Variants in KCNIP1 observed in about 807,000 individuals in gnomAD.
The protein encoded by KCNIP1 is potassium voltage-gated channel interacting protein 1, also known as A-type potassium channel modulatory protein KCNIP1.
A neutral mutation model predicts 33.0 loss-of-function variants in KCNIP1; 18 were observed. The ratio of observed to expected loss-of-function variants is 0.55; its 90% CI spans 0.38 to 0.81. The LOEUF is 0.81. KCNIP1 is among the 30% of genes least tolerant of loss of function. The pLI is 0.00. For missense variants in KCNIP1, 238 were observed against 271.6 expected (o/e 0.88, Z 0.87); for synonymous variants, 93 against 98.3 (o/e 0.95, Z 0.32).
intron 5 of KCNIP1, 92 bp from the exon 6 acceptor site, chr5:170,732,708 G>C (rs1213316020): frequency 1.3e-6 from 1 of 779,062 alleles, no homozygotes; most frequent in African/African-American, 1.7e-5. Context: ...CACTTTCATT[G>C]CCAAGGGGCA....
At chr5:170,602,133 G>T (rs1322442683) in intron 1 of KCNIP1, among the ~76,000 whole-genome samples, 1 of 152,236 alleles carries the variant, frequency 6.6e-6, no homozygotes, top group Non-Finnish European at 1.5e-5. Context: ...CTGTGAAAGT[G>T]TAAGACCAGC....
intron 1 of KCNIP1, chr5:170,385,409 C>A: frequency 6.2e-7 from 1 of 1,614,110 alleles, no homozygotes. Context: ...GGGCTCGTGT[C>A]TCTCCCCGCT....
intron 1 of KCNIP1, among the ~76,000 whole-genome samples, chr5:170,414,777 T>A (rs1016573850): frequency 6.6e-6 from 1 of 152,244 alleles, no homozygotes; most frequent in African/African-American, 2.4e-5. Flanking sequence ...CCCTTCTCTA[T>A]CAAAATCTAC....
At chr5:170,681,027 A>C (rs1762324402) in intron 1 of KCNIP1, 1 of 399,470 alleles carries the variant, frequency 2.5e-6, no homozygotes. Context: ...CTGGCTTTGA[A>C]TGACCGCCTA....
chr5:170,590,929 G>C (rs149839064), intron 1 of KCNIP1, among the ~76,000 whole-genome samples: 2 of 152,150 alleles, frequency 1.3e-5, no homozygotes, highest in Admixed American at 6.5e-5. Flanking sequence ...CCTCAGGTTT[G>C]TATGGGGCAG....
chr5:170,711,427 A>C (rs1409381294), intron 1 of KCNIP1, among the ~76,000 whole-genome samples: 2 of 152,222 alleles, frequency 1.3e-5, no homozygotes, highest in African/African-American at 2.4e-5. Flanking sequence ...CTATATTAAA[A>C]TGCTACCAAA....
At chr5:170,615,268 C>T (rs750081881) in intron 1 of KCNIP1, among the ~76,000 whole-genome samples, 4 of 152,162 alleles carry the variant, frequency 2.6e-5, no homozygotes, top group Non-Finnish European at 5.9e-5. Context: ...CACTTTCCCA[C>T]AGCCTGGGCA....
At chr5:170,401,810 G>T (rs1199438194) in intron 1 of KCNIP1, among the ~76,000 whole-genome samples, 1 of 151,944 alleles carries the variant, frequency 6.6e-6, no homozygotes, top group African/African-American at 2.4e-5. Context: ...TTCATGCCAG[G>T]CCCTGCACTA....
chr5:170,368,545 G>T (rs1254418042), intron 1 of KCNIP1, among the ~76,000 whole-genome samples: 1 of 152,156 alleles, frequency 6.6e-6, no homozygotes, highest in Non-Finnish European at 1.5e-5. Context: ...TTACTGTTGT[G>T]AGCCACCGTG....
chr5:170,654,470 C>CG lies in KCNIP1; in HGVS notation c.62-64282dup, dbSNP rs1354416092. 4.9e-4 allele frequency among the ~76,000 whole-genome samples: 74 copies of CG among 152,116 alleles called. 1 individual carries two copies. The highest frequency in any genetic ancestry group is 3.8e-4 in the Non-Finnish European group (26 of 68,024). On this transcript the variant is annotated intron_variant, in intron 1 of 7. Coordinates refer to ENST00000328939, the MANE Select transcript of KCNIP1 (RefSeq NM_014592.4). ...GTAATGCTGGGTATCCATTTTAAAACGGGGGGCATCGGCTGAATCTGGGTC... is the reference window on the plus strand; with the variant it reads ...GTAATGCTGGGTATCCATTTTAAAACGGGGGGGCATCGGCTGAATCTGGGTC...
At chr5:170,400,696 AGATG>A (rs1754881312) in intron 1 of KCNIP1, among the ~76,000 whole-genome samples, 1 of 152,232 alleles carries the variant, frequency 6.6e-6, no homozygotes, top group Non-Finnish European at 1.5e-5. Flanking sequence ...CTAATTTTAT[AGATG>A]GGGACACTGA....
chr5:170,635,398 G>T (rs1182110351), intron 1 of KCNIP1, among the ~76,000 whole-genome samples: 1 of 152,140 alleles, frequency 6.6e-6, no homozygotes, highest in East Asian at 1.9e-4. Context: ...TATCTTACAT[G>T]TTACCCCCTC....
At chr5:170,696,152 C>T (rs112297723) in intron 1 of KCNIP1, among the ~76,000 whole-genome samples, 1,755 of 152,256 alleles carry the variant, frequency 0.012, 25 homozygotes, top group Middle Eastern at 0.048. Context: ...CTCCTTCCTT[C>T]CTAACTTAAA....
intron 1 of KCNIP1, among the ~76,000 whole-genome samples, chr5:170,697,002 G>A (rs914801855): frequency 2.0e-5 from 3 of 151,924 alleles, no homozygotes; most frequent in South Asian, 2.1e-4. Flanking sequence ...CCCTGTACAC[G>A]TAGAATCTGC....
chr5:170,626,845 C>T (rs1488755931), intron 1 of KCNIP1, among the ~76,000 whole-genome samples: 1 of 150,944 alleles, frequency 6.6e-6, no homozygotes, highest in African/African-American at 2.4e-5. Context: ...TGAGAAATCC[C>T]CTCAGCTTAT....
At chr5:170,420,542 A>T (rs114480248) in intron 1 of KCNIP1, 5,971 of 151,728 alleles carry the variant, frequency 0.039, 184 homozygotes, top group South Asian at 0.1. Flanking sequence ...TCAAAAAAAA[A>T]AAAAATAAAA....
intron 1 of KCNIP1, among the ~76,000 whole-genome samples, chr5:170,404,977 G>A (rs924694079): frequency 1.3e-5 from 2 of 152,174 alleles, no homozygotes; most frequent in Non-Finnish European, 2.9e-5. Context: ...CGGTTCTCCA[G>A]CACATAAATA....
At chr5:170,433,163 C>T (rs546219161) in intron 1 of KCNIP1, among the ~76,000 whole-genome samples, 14 of 151,992 alleles carry the variant, frequency 9.2e-5, no homozygotes, top group African/African-American at 2.2e-4. Context: ...ACCCAGGTGC[C>T]GATGTTTTTG....
At chr5:170,618,390 A>G (rs1279432862) in intron 1 of KCNIP1, among the ~76,000 whole-genome samples, 1 of 147,022 alleles carries the variant, frequency 6.8e-6, no homozygotes, top group Non-Finnish European at 1.5e-5. Flanking sequence ...TCTTCTCTAT[A>G]TCTCTTATAA....
Sources: gnomAD v4.1 joint callset for allele counts (sites outside exome capture counted in the v4.1 genomes callset) on GRCh38, gnomAD v4.1.1 for gene constraint, MANE v1.5 for transcripts, NCBI Gene and HGNC (gene_info 2026-07-23, HGNC 2026-07-21) for gene names.